The following PDE3A variants were observed in gnomAD, a reference collection of about 807,000 sequenced individuals.
PDE3A encodes the protein phosphodiesterase 3A.
A neutral mutation model predicts 98.3 loss-of-function variants in PDE3A; 43 were observed. That is an observed-to-expected ratio of 0.44 (90% CI 0.34 to 0.56). The LOEUF (loss-of-function observed/expected upper bound fraction) is 0.56, where lower values mean the gene tolerates loss of function less well. Ranked by LOEUF, PDE3A falls within the 20% of genes least tolerant of loss-of-function variation. The pLI is 0.01. For synonymous variants in PDE3A, 663 were observed against 567.9 expected (o/e 1.17, Z -2.38); for missense variants, 1,427 against 1,440.7 (o/e 0.99, Z 0.15).
rs183665797 is a variant in PDE3A at position 20,401,106 on chromosome 12, G to T, written c.960+30862G>T. On this transcript the variant is annotated intron_variant, in intron 1 of 15. Coordinates refer to ENST00000359062, the MANE Select transcript of PDE3A (RefSeq NM_000921.5). ...TACAGGATATAACTTTCTTCAAAGT[G>T]GTAATCATTATACCCAGTCCTTCTT... is the stretch of plus-strand genomic sequence containing the variant. Among the ~76,000 whole-genome samples, 302 of 152,172 alleles carry T rather than the reference G, an allele frequency of 2.0e-3. 4 individuals carry two copies. The highest frequency in any genetic ancestry group is 7.2e-3 in the African/African-American group (298 of 41,528).
chr12:20,680,153 C>T lies in PDE3A; in HGVS notation c.3308C>T (p.Ser1103Phe). Residue 1103 changes from serine (S) to phenylalanine (F), a missense_variant, in exon 16 of 16, where the codon TCC becomes TTC. Physicochemically the swap from Ser to Phe is radical, Grantham distance 155. Around this residue, in one of 3 missense-constraint regions of PDE3A, gnomAD observed 142 missense variants for 133.9 expected, o/e 1.06. Coordinates refer to ENST00000359062, the MANE Select transcript of PDE3A (RefSeq NM_000921.5). Reference sequence around the variant, plus strand: ...CGGTTGGCAGGCATAGAAAATCAATCCCTGGACCAGACCCCTCAGTCGCAC... The same window carrying T: ...CGGTTGGCAGGCATAGAAAATCAATTCCTGGACCAGACCCCTCAGTCGCAC... ...EQRLAGIENQ[S>F]LDQTPQSHSS... The T allele has an allele frequency of 6.2e-7, 1 of 1,613,690 alleles. No homozygotes were observed. The highest frequency in any genetic ancestry group is 1.3e-5 in the African/African-American group (1 of 74,988).
chr12:20,547,435 A>G (rs958095083), intron 1 of PDE3A, among the ~76,000 whole-genome samples: 2 of 152,212 alleles, frequency 1.3e-5, no homozygotes, highest in African/African-American at 4.8e-5. Flanking sequence ...CATACAATAC[A>G]TATTTACTTA....
Position 20,466,931 on chromosome 12 carries a change from A to G in PDE3A, c.961-89729A>G, listed in dbSNP as rs533121138. On this transcript the variant is annotated intron_variant, in intron 1 of 15. Transcript: ENST00000359062. Reference sequence around the variant, plus strand: ...CATTTTATAGTTATGAGTGCAAAAAATAAATTGCCATTTGAACTCCAGAGT... The same window carrying G: ...CATTTTATAGTTATGAGTGCAAAAAGTAAATTGCCATTTGAACTCCAGAGT... Among the ~76,000 whole-genome samples, 17 of 152,334 alleles carry G rather than the reference A, an allele frequency of 1.1e-4. 1 individual carries two copies. Among genetic ancestry groups the G allele is most frequent in the African/African-American group, 4.1e-4 (17 of 41,584 alleles).
intron 1 of PDE3A, among the ~76,000 whole-genome samples, chr12:20,517,009 A>G (rs1946333982): frequency 6.6e-6 from 1 of 152,210 alleles, no homozygotes; most frequent in Non-Finnish European, 1.5e-5. Context: ...GCCCCAGGAG[A>G]GCACAAGATT....
intron 1 of PDE3A, among the ~76,000 whole-genome samples, chr12:20,485,012 G>A (rs1945700391): frequency 6.6e-6 from 1 of 152,200 alleles, no homozygotes; most frequent in East Asian, 1.9e-4. Flanking sequence ...ATTTTATTGA[G>A]ATCAAAAGTA....
intron 2 of PDE3A, among the ~76,000 whole-genome samples, chr12:20,570,329 AC>A (rs1302279478): frequency 1.4e-5 from 2 of 140,458 alleles, no homozygotes; most frequent in Non-Finnish European, 3.0e-5. Context: ...AATCTCTTGA[AC>A]CCAGGAGGTG....
At chr12:20,470,110 C>T (rs950360170) in intron 1 of PDE3A, among the ~76,000 whole-genome samples, 7 of 151,338 alleles carry the variant, frequency 4.6e-5, no homozygotes, top group African/African-American at 7.3e-5. Flanking sequence ...CATGTGTTAG[C>T]AAAACTTGGA....
intron 1 of PDE3A, among the ~76,000 whole-genome samples, chr12:20,400,355 G>T (rs1944099510): frequency 7.2e-6 from 1 of 138,526 alleles, no homozygotes; most frequent in Non-Finnish European, 1.5e-5. Context: ...TGTTATAAAA[G>T]CTCATGTTGA....
At chr12:20,403,379 C>A (rs576064949) in intron 1 of PDE3A, among the ~76,000 whole-genome samples, 1 of 152,190 alleles carries the variant, frequency 6.6e-6, no homozygotes, top group East Asian at 1.9e-4. Context: ...AGAAGAATTG[C>A]GACTTTGCAG....
intron 1 of PDE3A, chr12:20,551,827 G>GGCAT: frequency 6.2e-7 from 1 of 1,613,938 alleles, no homozygotes; most frequent in East Asian, 2.2e-5. Context: ...CTGGGACAAG[G>GGCAT]GCATGGCCTG....
intron 1 of PDE3A, among the ~76,000 whole-genome samples, chr12:20,448,744 A>G (rs373193143): frequency 9.2e-6 from 1 of 108,918 alleles, no homozygotes; most frequent in South Asian, 3.8e-4. Context: ...TAAAGTTTTT[A>G]TTTTAAGGTT....
intron 2 of PDE3A, among the ~76,000 whole-genome samples, chr12:20,605,853 C>CAGTT (rs1177171871): frequency 2.0e-5 from 3 of 152,124 alleles, no homozygotes; most frequent in Admixed American, 2.0e-4. Flanking sequence ...TCTTTTCCTC[C>CAGTT]AGTTAGAATA....
At chr12:20,493,549 A>G (rs1321910797) in intron 1 of PDE3A, among the ~76,000 whole-genome samples, 1 of 152,176 alleles carries the variant, frequency 6.6e-6, no homozygotes, top group Non-Finnish European at 1.5e-5. Context: ...CTATATGTAC[A>G]TATACAGACA....
chr12:20,447,378 A>G (rs7962446), intron 1 of PDE3A, among the ~76,000 whole-genome samples: 38,775 of 152,132 alleles, frequency 0.25, 5,156 homozygotes, highest in Admixed American at 0.37. Flanking sequence ...GCCCCTTTGT[A>G]ACTTCTGGAT....
chr12:20,449,978 T>C, intron 1 of PDE3A: 1 of 725,220 alleles, frequency 1.4e-6, no homozygotes, highest in Non-Finnish European at 2.4e-6. Context: ...TCAGGAACAA[T>C]AAGCCCTTGC....
chr12:20,551,514 T>G lies in PDE3A; in HGVS notation c.961-5146T>G, dbSNP rs568519259. The stretch of plus-strand genomic sequence containing the variant: ...TAGTTGGTGGAGCGATTTGTCTGGT[T>G]AATTCCGATAACGAACGAGACTCTG... On this transcript the variant is annotated intron_variant, in intron 1 of 15. Coordinates refer to ENST00000359062, the MANE Select transcript of PDE3A (RefSeq NM_000921.5). 5.6e-5 allele frequency: 58 copies of G among 1,032,890 alleles called. No homozygotes were observed. The East Asian group carries it at 1.2e-3, about 21-fold the overall frequency. The allele number at this position is 1,032,890 out of a possible 1,614,324, so 64.0% of individuals were successfully genotyped here.
chr12:20,596,820 G>A (rs563454637), intron 2 of PDE3A, among the ~76,000 whole-genome samples: 62 of 152,252 alleles, frequency 4.1e-4, no homozygotes, highest in African/African-American at 1.4e-3. Flanking sequence ...ATGTTAACAA[G>A]TTCCCCTTAA....
chr12:20,671,615 T>C (rs1457756642), intron 15 of PDE3A, among the ~76,000 whole-genome samples: 2 of 151,198 alleles, frequency 1.3e-5, no homozygotes, highest in Non-Finnish European at 2.9e-5. Flanking sequence ...ATTATCTCAA[T>C]AGATGCAGAA....
intron 15 of PDE3A, among the ~76,000 whole-genome samples, chr12:20,665,333 T>C (rs773637907): frequency 4.6e-5 from 7 of 152,222 alleles, no homozygotes; most frequent in Non-Finnish European, 7.3e-5. Flanking sequence ...ATAGTCTTCT[T>C]TGAAATATAT....
Sources: allele counts gnomAD v4.1 joint callset (sites outside exome capture counted in the v4.1 genomes callset), GRCh38; gene constraint gnomAD v4.1.1; regional missense constraint gnomAD v4.1.1; transcripts MANE v1.5; gene names NCBI Gene and HGNC (gene_info 2026-07-23, HGNC 2026-07-21).